The following UXS1 variants were observed in gnomAD, a reference collection of about 807,000 sequenced individuals.
The protein encoded by UXS1 is UDP-glucuronic acid decarboxylase 1.
In UXS1, 33 loss-of-function variants were observed where a neutral mutation model predicts 62.6. The ratio of observed to expected loss-of-function variants is 0.53; its 90% CI spans 0.40 to 0.70. The LOEUF (loss-of-function observed/expected upper bound fraction) is 0.70, where lower values mean the gene tolerates loss of function less well. Among genes scored for constraint, UXS1 ranks in the 30% least tolerant of loss-of-function variants. UXS1 has a pLI of 0.00. For synonymous variants in UXS1, 213 were observed against 206.8 expected (o/e 1.03, Z -0.26); for missense variants, 434 against 556.3 (o/e 0.78, Z 2.21).
chr2:106,145,927 C>T (rs964977302), intron 5 of UXS1, among the ~76,000 whole-genome samples: 10 of 152,196 alleles, frequency 6.6e-5, no homozygotes, highest in South Asian at 2.1e-4. Context: ...AAGCCCTAAA[C>T]GCCTAAGTCC....
intron 14 of UXS1, among the ~76,000 whole-genome samples, 177 bp from the exon 15 acceptor site, chr2:106,094,334 C>A (rs115510704): frequency 1.1e-3 from 161 of 150,592 alleles, no homozygotes; most frequent in African/African-American, 3.8e-3. Context: ...CACGGCCCAC[C>A]GAGAGAAGCC....
intron 5 of UXS1, among the ~76,000 whole-genome samples, chr2:106,155,649 T>C (rs1682366889): frequency 6.6e-6 from 1 of 152,226 alleles, no homozygotes; most frequent in Admixed American, 6.5e-5. Context: ...TAGCAGGCTG[T>C]ACCATCGAGG....
At chr2:106,109,595 A>G (rs921272003) in intron 10 of UXS1, among the ~76,000 whole-genome samples, 2 of 152,212 alleles carry the variant, frequency 1.3e-5, no homozygotes, top group African/African-American at 2.4e-5. Context: ...CTCTTCGAAA[A>G]TAAACTTAGG....
intron 3 of UXS1, 83 bp downstream of exon 3, chr2:106,164,653 A>G: frequency 9.1e-7 from 1 of 1,101,704 alleles, no homozygotes. Flanking sequence ...AAGCTGCCAC[A>G]ATAAGAATGA....
intron 11 of UXS1, 103 bp from the exon 12 acceptor site, chr2:106,101,221 G>A (rs568666723): frequency 2.0e-5 from 25 of 1,250,508 alleles, no homozygotes; most frequent in Admixed American, 2.5e-5. Context: ...ACCCCCAGGA[G>A]AAAACAAAAA....
Position 106,172,098 on chromosome 2 carries a change from G to A in UXS1, c.95-6015C>T, listed in dbSNP as rs79650785. Among the ~76,000 whole-genome samples, 6 of 152,342 alleles carry A rather than the reference G, an allele frequency of 3.9e-5. No individual in the cohort carries two copies. The East Asian group carries it at 1.2e-3, about 29-fold the overall frequency. ...TTGCGGATGCACAAGTTAAGACCCT[G>A]CACACATTGCTTTACTGTCCAGAGG... On this transcript the variant is annotated intron_variant, in intron 1 of 14. Transcript: ENST00000283148.
At chr2:106,097,104 C>A (rs1443691420) in intron 13 of UXS1, 2 of 548,158 alleles carry the variant, frequency 3.6e-6, no homozygotes, top group Non-Finnish European at 7.0e-6. Flanking sequence ...GAGTTACCGC[C>A]CACTACAAGA....
intron 12 of UXS1, among the ~76,000 whole-genome samples, chr2:106,099,298 G>A (rs1028260599): frequency 1.3e-5 from 2 of 152,168 alleles, no homozygotes; most frequent in Non-Finnish European, 2.9e-5. Flanking sequence ...GAGAATACTT[G>A]TGTGGGGGCT....
At chr2:106,144,193 A>C (rs1681373190) in intron 6 of UXS1, among the ~76,000 whole-genome samples, 1 of 152,218 alleles carries the variant, frequency 6.6e-6, no homozygotes, top group Non-Finnish European at 1.5e-5. Context: ...ACTGAGCTAT[A>C]ATCTACATAG....
intron 1 of UXS1, among the ~76,000 whole-genome samples, chr2:106,186,718 T>C (rs1684580647): frequency 1.3e-5 from 2 of 152,134 alleles, no homozygotes; most frequent in Non-Finnish European, 2.9e-5. Flanking sequence ...CTCAGGAGCC[T>C]GAGGCAGGAG....
chr2:106,101,400 G>A (rs750261953), intron 11 of UXS1: 6 of 378,950 alleles, frequency 1.6e-5, no homozygotes, highest in African/African-American at 2.1e-5. Context: ...GGCTGAGTTC[G>A]CCACTGCATT....
chr2:106,107,172 C>A (rs907209705), intron 10 of UXS1, among the ~76,000 whole-genome samples: 1 of 152,134 alleles, frequency 6.6e-6, no homozygotes. Context: ...CAAAGCTGAG[C>A]GCACAGATGC....
intron 11 of UXS1, among the ~76,000 whole-genome samples, chr2:106,104,348 A>G (rs1408369277): frequency 6.6e-6 from 1 of 152,220 alleles, no homozygotes; most frequent in African/African-American, 2.4e-5. Flanking sequence ...ATCTGCATTT[A>G]GTTTCAGCGT....
intron 1 of UXS1, among the ~76,000 whole-genome samples, chr2:106,189,990 G>T (rs1684812436): frequency 6.6e-6 from 1 of 152,180 alleles, no homozygotes; most frequent in East Asian, 1.9e-4. Context: ...GAGGCTGGCA[G>T]CTGACCCTCA....
intron 1 of UXS1, among the ~76,000 whole-genome samples, chr2:106,169,279 T>C (rs1271805180): frequency 3.3e-5 from 5 of 152,284 alleles, no homozygotes; most frequent in Non-Finnish European, 7.3e-5. Flanking sequence ...TTCCATGCTA[T>C]GGAAGCATCC....
At chr2:106,178,314 A>C (rs973768852) in intron 1 of UXS1, among the ~76,000 whole-genome samples, 1 of 152,230 alleles carries the variant, frequency 6.6e-6, no homozygotes, top group Non-Finnish European at 1.5e-5. Context: ...TCTCCAGAAC[A>C]ATCTGGTCAC....
At chr2:106,167,459 CTT>C (rs1490979384) in intron 1 of UXS1, among the ~76,000 whole-genome samples, 2 of 152,182 alleles carry the variant, frequency 1.3e-5, no homozygotes, top group African/African-American at 2.4e-5. Context: ...TTGCCATCCT[CTT>C]GTGTGTAGTA....
chr2:106,105,780 A>G (rs1445451028), intron 10 of UXS1, among the ~76,000 whole-genome samples: 1 of 152,202 alleles, frequency 6.6e-6, no homozygotes, highest in Non-Finnish European at 1.5e-5. Context: ...GTGCTTGGGG[A>G]GATCTCCTAA....
intron 6 of UXS1, 145 bp downstream of exon 6, chr2:106,145,045 C>T (rs1681452991): frequency 6.8e-6 from 6 of 883,296 alleles, no homozygotes; most frequent in Non-Finnish European, 6.8e-6. Flanking sequence ...AGGACGGCAC[C>T]TCATACATAT....
Sources: allele counts gnomAD v4.1 joint callset (sites outside exome capture counted in the v4.1 genomes callset), GRCh38; gene constraint gnomAD v4.1.1; transcripts MANE v1.5; gene names NCBI Gene and HGNC (gene_info 2026-07-23, HGNC 2026-07-21).